GRIN2A: variants seen among roughly 807,000 people sequenced by gnomAD.
GRIN2A encodes glutamate ionotropic receptor NMDA type subunit 2A.
Under a neutral mutation model 113.4 loss-of-function variants are expected in GRIN2A, and 22 were observed. The observed-to-expected ratio is 0.19, with a 90% CI of 0.14 to 0.28. GRIN2A has a LOEUF of 0.28. Ranked by LOEUF, GRIN2A falls within the 10% of genes least tolerant of loss-of-function variation. The pLI is 1.00. For missense variants in GRIN2A, 1,502 were observed against 1,887.0 expected, an observed-to-expected ratio of 0.80 and a Z score of 3.78; for synonymous variants, 827 against 738.4, an observed-to-expected ratio of 1.12 and a Z score of -1.94.
Position 10,180,518 on chromosome 16 carries a change from C to T in GRIN2A, c.-18-89G>A. On this transcript the variant is annotated intron_variant, in intron 1 of 12. Transcript: ENST00000330684. This position sits in a 1 kb window ranked among gnomAD's most constrained non-coding sequence, Gnocchi z 7.0. ...CAACTTGGCTTCCTGCTCTAGGAGC[C>T]AGGCATGGAACTCAGCAGCAGGATA... The T allele has an allele frequency of 6.5e-7, 1 of 1,531,490 alleles. No homozygotes were observed. The highest frequency in any genetic ancestry group is 8.7e-7 in the Non-Finnish European group (1 of 1,145,176). The allele number at this position is 1,531,490 out of a possible 1,614,324, so 94.9% of individuals were successfully genotyped here.
intron 3 of GRIN2A, among the ~76,000 whole-genome samples, chr16:9,931,545 A>C (rs9923318): frequency 0.037 from 5,627 of 152,214 alleles, 328 homozygotes; most frequent in African/African-American, 0.13. Context: ...CAAGTCTGTC[A>C]TACTACCTAG....
At chr16:9,922,654 C>T (rs547092100) in intron 3 of GRIN2A, among the ~76,000 whole-genome samples, 2 of 152,280 alleles carry the variant, frequency 1.3e-5, no homozygotes, top group South Asian at 4.1e-4. Context: ...GAAGATGGAC[C>T]GCATGCCTGA....
chr16:10,132,351 A>AC (rs1317171540), intron 2 of GRIN2A, among the ~76,000 whole-genome samples: 1 of 151,272 alleles, frequency 6.6e-6, no homozygotes, highest in Admixed American at 6.6e-5. Context: ...AAAAAAAAAA[A>AC]AAAAAAAGAT....
intron 2 of GRIN2A, chr16:10,111,426 G>C: frequency 1.8e-6 from 1 of 553,072 alleles, no homozygotes; most frequent in Non-Finnish European, 3.3e-6. Context: ...ACGTGCCCCA[G>C]GACTGGCTCA....
intron 2 of GRIN2A, among the ~76,000 whole-genome samples, chr16:10,159,310 G>A (rs1412590882): frequency 6.6e-6 from 1 of 152,174 alleles, no homozygotes; most frequent in South Asian, 2.1e-4. Flanking sequence ...AAGAGGACAG[G>A]CCTGGGCAGG....
chr16:10,104,435 T>C (rs1265034815), intron 2 of GRIN2A, among the ~76,000 whole-genome samples: 3 of 152,156 alleles, frequency 2.0e-5, no homozygotes, highest in Non-Finnish European at 4.4e-5. Flanking sequence ...AAGAATATCA[T>C]AGGAGTCCAA....
At chr16:9,897,398 T>C (rs1263450147) in intron 3 of GRIN2A, among the ~76,000 whole-genome samples, 1 of 151,974 alleles carries the variant, frequency 6.6e-6, no homozygotes, top group Non-Finnish European at 1.5e-5. Context: ...TAGACAATAT[T>C]TCCTATATTT....
At chr16:9,784,353 C>T (rs1902094940) in intron 11 of GRIN2A, among the ~76,000 whole-genome samples, 1 of 150,976 alleles carries the variant, frequency 6.6e-6, no homozygotes, top group Non-Finnish European at 1.5e-5. Context: ...TTGCTTGAAC[C>T]CAGGAAGCAG....
chr16:9,960,768 G>C (rs771847634), intron 2 of GRIN2A, among the ~76,000 whole-genome samples: 1 of 152,200 alleles, frequency 6.6e-6, no homozygotes, highest in African/African-American at 2.4e-5. Flanking sequence ...GGGACTACAG[G>C]TGTGTTCCAC....
chr16:9,840,732 C>T lies in GRIN2A; in HGVS notation c.1566G>A (p.Val522=), dbSNP rs1228710526. The T allele has an allele frequency of 6.2e-7, 1 of 1,611,766 alleles. No individual in the cohort carries two copies. Among genetic ancestry groups the T allele is most frequent in the Non-Finnish European group, 8.5e-7 (1 of 1,179,542 alleles). ...TTTCCACAAAGGGCACAGAGAAGTCCACCACTTCAGAACGTTCCTCATTGA... is the reference window on the plus strand; with the variant it reads ...TTTCCACAAAGGGCACAGAGAAGTCTACCACTTCAGAACGTTCCTCATTGA... ...LTINEERSEV[V]DFSVPFVETG... The change falls in exon 7 of 13, where the codon GTG becomes GTA. Residue 522 remains valine (V), a synonymous_variant. Transcript: ENST00000330684.
intron 4 of GRIN2A, among the ~76,000 whole-genome samples, chr16:9,856,784 T>A (rs1218042020): frequency 1.3e-5 from 2 of 151,994 alleles, no homozygotes; most frequent in Non-Finnish European, 2.9e-5. Context: ...AACTGAGGCA[T>A]GGGGTTTAAG....
At chr16:10,032,134 C>T (rs769234385) in intron 2 of GRIN2A, among the ~76,000 whole-genome samples, 3 of 152,212 alleles carry the variant, frequency 2.0e-5, no homozygotes, top group Non-Finnish European at 4.4e-5. Context: ...GAAACAGCAC[C>T]TGGTTTTGGA....
At chr16:10,098,611 G>A (rs2048338383) in intron 2 of GRIN2A, among the ~76,000 whole-genome samples, 2 of 152,086 alleles carry the variant, frequency 1.3e-5, no homozygotes, top group South Asian at 2.1e-4. Flanking sequence ...TATACACGAT[G>A]GAATAAAACT....
chr16:9,893,060 G>T (rs1396066808), intron 3 of GRIN2A, among the ~76,000 whole-genome samples: 1 of 152,134 alleles, frequency 6.6e-6, no homozygotes, highest in Non-Finnish European at 1.5e-5. Context: ...CGACTGATGG[G>T]GGTGTTGTGT....
chr16:10,081,872 G>A (rs1375075), intron 2 of GRIN2A, among the ~76,000 whole-genome samples: 130,063 of 151,770 alleles, frequency 0.86, 56,243 homozygotes, highest in East Asian at 1. Flanking sequence ...TTTCAGATTG[G>A]TAAGCTGAGA....
chr16:10,088,218 T>C (rs1232659577), intron 2 of GRIN2A, among the ~76,000 whole-genome samples: 1 of 151,930 alleles, frequency 6.6e-6, no homozygotes, highest in Non-Finnish European at 1.5e-5. Flanking sequence ...TCTGTTAGAG[T>C]CTCCCAGATT....
At chr16:10,111,394 C>G (rs1244911226) in intron 2 of GRIN2A, 2 of 494,166 alleles carry the variant, frequency 4.0e-6, no homozygotes, top group East Asian at 4.1e-5. Flanking sequence ...GGCGAACCAT[C>G]TGATCAGTGG....
At chr16:10,076,698 G>A (rs746432572) in intron 2 of GRIN2A, among the ~76,000 whole-genome samples, 2 of 152,124 alleles carry the variant, frequency 1.3e-5, no homozygotes, top group Non-Finnish European at 2.9e-5. Flanking sequence ...GAGCTATGAC[G>A]ACTGAACAAA....
intron 3 of GRIN2A, among the ~76,000 whole-genome samples, chr16:9,922,295 C>T (rs758600105): frequency 4.0e-5 from 6 of 151,622 alleles, no homozygotes; most frequent in Non-Finnish European, 7.4e-5. Flanking sequence ...GTAACCAACA[C>T]CATCAATCTG....
Sources: allele counts gnomAD v4.1 joint callset (sites outside exome capture counted in the v4.1 genomes callset), GRCh38; gene constraint gnomAD v4.1.1; non-coding constraint Gnocchi (gnomAD v3.1); transcripts MANE v1.5; gene names NCBI Gene and HGNC (gene_info 2026-07-23, HGNC 2026-07-21).